The following NBEA variants were observed in gnomAD, a reference collection of about 807,000 sequenced individuals.
NBEA encodes neurobeachin.
In NBEA, 44 loss-of-function variants were observed where a neutral mutation model predicts 343.4. That is an observed-to-expected ratio of 0.13 (90% CI 0.10 to 0.16). The LOEUF is 0.16. Among genes scored for constraint, NBEA ranks in the 10% least tolerant of loss-of-function variants. NBEA has a pLI of 1.00. For missense variants in NBEA, 2,555 were observed against 3,631.3 expected, an observed-to-expected ratio of 0.70 and a Z score of 7.62; for synonymous variants, 1,175 against 1,238.7, an observed-to-expected ratio of 0.95 and a Z score of 1.08.
At position 35,188,267 on chromosome 13, in the gene NBEA, G is replaced by A. The variant is rs565495709; in HGVS notation, c.4927+4196G>A. 4.0e-5 allele frequency among the ~76,000 whole-genome samples: 6 copies of A among 148,910 alleles called. No individual in the cohort carries two copies. The South Asian group carries it at 1.3e-3, about 31-fold the overall frequency. On this transcript the variant is annotated intron_variant, in intron 30 of 58. Coordinates refer to ENST00000379939, the MANE Select transcript of NBEA (RefSeq NM_001385012.1). ...ACGTATCATTTTTTTTTTTTTTGTG[G>A]TAAGAATGTTTAAAGTTTATTCTCA... is the stretch of plus-strand genomic sequence containing the variant.
chr13:35,473,470 G>T (rs1210732094), intron 41 of NBEA, among the ~76,000 whole-genome samples: 1 of 152,122 alleles, frequency 6.6e-6, no homozygotes, highest in Non-Finnish European at 1.5e-5. Flanking sequence ...AATAGTATTT[G>T]TAGACTAGAG....
intron 31 of NBEA, among the ~76,000 whole-genome samples, chr13:35,202,734 TCTAAA>T: frequency 6.6e-6 from 1 of 152,124 alleles, no homozygotes; most frequent in Non-Finnish European, 1.5e-5. Flanking sequence ...GAACCTCTTT[TCTAAA>T]CTAGAGACTT....
At chr13:35,290,083 A>T (rs555832462) in intron 34 of NBEA, among the ~76,000 whole-genome samples, 31 of 151,806 alleles carry the variant, frequency 2.0e-4, no homozygotes, top group African/African-American at 7.2e-4. Flanking sequence ...CCTTGTTTAA[A>T]TGTAAGAAAT....
At chr13:35,221,334 C>T (rs1371136205) in intron 33 of NBEA, among the ~76,000 whole-genome samples, 3 of 147,044 alleles carry the variant, frequency 2.0e-5, no homozygotes, top group Admixed American at 6.7e-5. Flanking sequence ...CAGAGTGAGA[C>T]ACTATTTCAA....
At chr13:34,987,400 G>T (rs913128666) in intron 1 of NBEA, among the ~76,000 whole-genome samples, 2 of 150,842 alleles carry the variant, frequency 1.3e-5, no homozygotes, top group African/African-American at 4.8e-5. Context: ...TGGGTAACCC[G>T]ACCTTTCTCT....
chr13:35,648,501 A>T (rs570477065), intron 51 of NBEA, among the ~76,000 whole-genome samples: 11 of 152,152 alleles, frequency 7.2e-5, no homozygotes, highest in African/African-American at 2.6e-4. Flanking sequence ...ATAATAATAA[A>T]AATATTTATC....
At chr13:35,171,603 T>A (rs2070468090) in intron 26 of NBEA, among the ~76,000 whole-genome samples, 151 bp downstream of exon 26, 1 of 152,054 alleles carries the variant, frequency 6.6e-6, no homozygotes, top group Non-Finnish European at 1.5e-5. Flanking sequence ...TTATAATTAA[T>A]CAGAATTACT....
At chr13:35,086,005 A>G (rs2064740068) in intron 10 of NBEA, among the ~76,000 whole-genome samples, 1 of 152,152 alleles carries the variant, frequency 6.6e-6, no homozygotes, top group African/African-American at 2.4e-5. Flanking sequence ...TAAAATACCT[A>G]GGAATCCAAC....
intron 34 of NBEA, among the ~76,000 whole-genome samples, chr13:35,243,498 C>T (rs1273782646): frequency 6.6e-6 from 1 of 151,826 alleles, no homozygotes; most frequent in African/African-American, 2.4e-5. Flanking sequence ...CAGGAACCAA[C>T]TATGTGCTGT....
At chr13:35,495,028 GAAAAA>G (rs1041611260) in intron 41 of NBEA, among the ~76,000 whole-genome samples, 1 of 149,944 alleles carries the variant, frequency 6.7e-6, no homozygotes, top group South Asian at 2.1e-4. Flanking sequence ...GAAAAGAAAA[GAAAAA>G]AAAATCAGAG....
At chr13:35,259,386 C>T (rs1467521909) in intron 34 of NBEA, among the ~76,000 whole-genome samples, 1 of 152,060 alleles carries the variant, frequency 6.6e-6, no homozygotes, top group African/African-American at 2.4e-5. Flanking sequence ...CAGTTATTTG[C>T]ATAATTTCTG....
At chr13:35,304,996 T>C (rs1390303548) in intron 35 of NBEA, among the ~76,000 whole-genome samples, 1 of 152,196 alleles carries the variant, frequency 6.6e-6, no homozygotes, top group Admixed American at 6.5e-5. Flanking sequence ...ATGCGGCCAC[T>C]ACCACCTACT....
intron 51 of NBEA, among the ~76,000 whole-genome samples, chr13:35,648,574 G>A (rs1290072260): frequency 6.6e-6 from 1 of 152,114 alleles, no homozygotes; most frequent in Non-Finnish European, 1.5e-5. Flanking sequence ...GACTGAATTG[G>A]CATGAAACTG....
At chr13:35,344,553 G>A (rs74049002) in intron 36 of NBEA, among the ~76,000 whole-genome samples, 6,298 of 151,834 alleles carry the variant, frequency 0.041, 153 homozygotes, top group South Asian at 0.078. Context: ...AACACAAATA[G>A]TGAACATACA....
chr13:35,026,897 A>G (rs1236756578), intron 1 of NBEA, among the ~76,000 whole-genome samples: 8 of 152,056 alleles, frequency 5.3e-5, no homozygotes, highest in Admixed American at 5.3e-4. Context: ...AGTCACACCC[A>G]TCCTCTTACC....
intron 34 of NBEA, among the ~76,000 whole-genome samples, chr13:35,266,893 A>G (rs906036189): frequency 6.6e-6 from 1 of 151,980 alleles, no homozygotes; most frequent in Non-Finnish European, 1.5e-5. Flanking sequence ...CTTAACTACT[A>G]CTAGCCTTCT....
chr13:35,537,976 G>C (rs2078639410), intron 41 of NBEA, among the ~76,000 whole-genome samples: 1 of 152,112 alleles, frequency 6.6e-6, no homozygotes, highest in East Asian at 1.9e-4. Context: ...GTCCTCTTCA[G>C]GCCGTCTCTG....
chr13:35,511,379 G>A (rs1415621483), intron 41 of NBEA, among the ~76,000 whole-genome samples: 2 of 152,086 alleles, frequency 1.3e-5, no homozygotes, highest in East Asian at 3.8e-4. Flanking sequence ...ACAGTATGTT[G>A]CATATATAAC....
intron 34 of NBEA, among the ~76,000 whole-genome samples, chr13:35,243,039 A>C (rs1177888306): frequency 1.3e-5 from 2 of 151,878 alleles, no homozygotes; most frequent in African/African-American, 4.8e-5. Flanking sequence ...ATTCTTTTAA[A>C]AGATTAAAAT....
Sources: gnomAD v4.1 joint callset for allele counts (sites outside exome capture counted in the v4.1 genomes callset) on GRCh38, gnomAD v4.1.1 for gene constraint, MANE v1.5 for transcripts, NCBI Gene and HGNC (gene_info 2026-07-23, HGNC 2026-07-21) for gene names.